Variants in HECTD4 observed in about 807,000 individuals in gnomAD.
The protein encoded by HECTD4 is HECT domain E3 ubiquitin protein ligase 4, also known as probable E3 ubiquitin-protein ligase HECTD4.
A neutral mutation model predicts 471.5 loss-of-function variants in HECTD4; 114 were observed. The observed-to-expected ratio is 0.24, with a 90% CI of 0.21 to 0.28. HECTD4 has a LOEUF of 0.28. Ranked by LOEUF, HECTD4 falls within the 10% of genes least tolerant of loss-of-function variation. HECTD4 has a pLI of 1.00. For missense variants in HECTD4, 3,866 were observed against 5,651.5 expected, an observed-to-expected ratio of 0.68 and a Z score of 10.13; for synonymous variants, 2,012 against 2,256.0, an observed-to-expected ratio of 0.89 and a Z score of 3.07.
rs367872998 is a variant in HECTD4, at chr12:112,171,232, G to A, written c.11817C>T (p.Phe3939=). 290 of 1,611,200 alleles carry A rather than the reference G, an allele frequency of 1.8e-4. No individual in the cohort carries two copies. The highest frequency in any genetic ancestry group is 3.3e-4 in the South Asian group (30 of 90,444). The change falls in exon 68 of 76, where the codon TTC becomes TTT. Residue 3939 remains phenylalanine (F), a synonymous_variant. Coordinates refer to ENST00000682272, the MANE Select transcript of HECTD4 (RefSeq NM_001388303.1). ...TGGTGTTGAGGGACTGCAGCAAGGCGAAGCGCAGGCGCAGGCTCTCGATGG... is the reference window on the plus strand; with the variant it reads ...TGGTGTTGAGGGACTGCAGCAAGGCAAAGCGCAGGCGCAGGCTCTCGATGG... The part of the protein sequence containing the change: ...NVPIESLRLR[F]ALLQSLNTTL...
At chr12:112,373,777 G>A (rs2036728536) in intron 1 of HECTD4, among the ~76,000 whole-genome samples, 1 of 151,798 alleles carries the variant, frequency 6.6e-6, no homozygotes, top group African/African-American at 2.4e-5. Context: ...GGCTGAGGTG[G>A]GCAGATCACC....
chr12:112,295,655 T>C (rs2135665575), intron 7 of HECTD4, among the ~76,000 whole-genome samples: 1 of 151,532 alleles, frequency 6.6e-6, no homozygotes, highest in South Asian at 2.1e-4. Flanking sequence ...TTTCTTTTTT[T>C]GAGACAGGGT....
chr12:112,194,886 T>A lies in HECTD4; in HGVS notation c.8748A>T (p.Pro2916=). Reference sequence around the variant, plus strand: ...GACAGCAGCAAAGCCAAGTTTTACCTGGGAGAGGAGGTGCGAGGAGCTGAT... The same window carrying A: ...GACAGCAGCAAAGCCAAGTTTTACCAGGGAGAGGAGGTGCGAGGAGCTGAT... ...LSNQLLAPPL[P]DGTISSSSIL... is the part of the protein sequence containing the mutation. The change falls in exon 56 of 76, where the codon CCA becomes CCT. Residue 2916 remains proline (P), a splice_region_variant and synonymous_variant. Coordinates refer to ENST00000682272, the MANE Select transcript of HECTD4 (RefSeq NM_001388303.1). The surrounding 1 kb of genome is among the most constrained non-coding windows in gnomAD (Gnocchi z 4.6). The A allele has an allele frequency of 6.2e-7, 1 of 1,603,840 alleles. No individual in the cohort carries two copies.
At chr12:112,178,714 C>T (rs1163055244) in intron 64 of HECTD4, among the ~76,000 whole-genome samples, 2 of 152,222 alleles carry the variant, frequency 1.3e-5, no homozygotes, top group East Asian at 1.9e-4. Flanking sequence ...TGCCTGTAGT[C>T]CCAGATACTC....
chr12:112,324,886 T>G (rs540764731), intron 1 of HECTD4, among the ~76,000 whole-genome samples: 5 of 152,188 alleles, frequency 3.3e-5, no homozygotes, highest in Non-Finnish European at 5.9e-5. Context: ...AACAACTCTT[T>G]TATATAAAAT....
intron 9 of HECTD4, among the ~76,000 whole-genome samples, chr12:112,278,504 A>C (rs1380936731): frequency 6.6e-6 from 1 of 152,172 alleles, no homozygotes; most frequent in African/African-American, 2.4e-5. Context: ...AAATACTAAC[A>C]CATTTTTACA....
intron 54 of HECTD4, chr12:112,201,194 A>C (rs533496391): frequency 7.4e-6 from 3 of 403,558 alleles, no homozygotes; most frequent in Non-Finnish European, 1.5e-5. Context: ...CCCAGGTTCA[A>C]GAGATTCTCC....
chr12:112,283,037 C>T (rs747178379), intron 8 of HECTD4, 73 bp downstream of exon 8: 65 of 1,239,692 alleles, frequency 5.2e-5, no homozygotes, highest in Middle Eastern at 2.0e-4. Context: ...ACAGCACGGA[C>T]GAAGTGCTCA....
At chr12:112,367,533 C>T (rs374105915) in intron 1 of HECTD4, among the ~76,000 whole-genome samples, 1 of 151,720 alleles carries the variant, frequency 6.6e-6, no homozygotes, top group Non-Finnish European at 1.5e-5. Flanking sequence ...TGAAAAAATG[C>T]TTCCGGCAGG....
Position 112,229,900 on chromosome 12 carries a change from G to A in HECTD4, c.6337-20C>T, listed in dbSNP as rs139171647. 1.0e-3 allele frequency: 1,642 copies of A among 1,597,152 alleles called. 11 individuals carry two copies. The African/African-American group carries it at 0.018, about 17-fold the overall frequency. ...CAGAACCTAAATATAGAAGCAGCCCGTGCACTAGGAGTTAAAGCTTTGGTT... is the reference window on the plus strand; with the variant it reads ...CAGAACCTAAATATAGAAGCAGCCCATGCACTAGGAGTTAAAGCTTTGGTT... On this transcript the variant is annotated intron_variant, in intron 40 of 75. Coordinates refer to ENST00000682272, the MANE Select transcript of HECTD4 (RefSeq NM_001388303.1).
intron 1 of HECTD4, among the ~76,000 whole-genome samples, chr12:112,362,567 C>CA (rs2036469865): frequency 1.3e-5 from 2 of 152,294 alleles, no homozygotes; most frequent in Admixed American, 1.3e-4. Context: ...CTCATACGTG[C>CA]ACTCACTACC....
At position 112,162,094 on chromosome 12, in the gene HECTD4, G is replaced by T. The variant is rs1941036606; in HGVS notation, c.*293C>A. ...TGGGGCCTTATGGCATTAGAATCTG[G>T]TGGCCATGAGGGACAATGTCCAAGA... On this transcript the variant is annotated 3_prime_UTR_variant, in exon 76 of 76. Coordinates refer to ENST00000682272, the MANE Select transcript of HECTD4 (RefSeq NM_001388303.1). This position sits in a 1 kb window ranked among gnomAD's most constrained non-coding sequence, Gnocchi z 5.2. 3.1e-6 allele frequency: 1 copy of T among 318,946 alleles called. No individual in the cohort carries two copies. The highest frequency in any genetic ancestry group is 2.1e-5 in the African/African-American group (1 of 47,328). The allele number at this position is 318,946 out of a possible 1,614,324, so 19.8% of individuals were successfully genotyped here.
intron 1 of HECTD4, among the ~76,000 whole-genome samples, chr12:112,375,791 G>A (rs376285459): frequency 1.3e-5 from 2 of 151,798 alleles, no homozygotes; most frequent in African/African-American, 4.8e-5. Flanking sequence ...TTCCTAAGCC[G>A]GTCGTGGTGG....
chr12:112,359,360 T>C (rs1046204656), intron 1 of HECTD4, among the ~76,000 whole-genome samples: 1 of 151,644 alleles, frequency 6.6e-6, no homozygotes, highest in African/African-American at 2.4e-5. Context: ...TTGCAAACTC[T>C]CAGGACCACC....
intron 1 of HECTD4, among the ~76,000 whole-genome samples, chr12:112,358,137 T>C (rs577231914): frequency 2.6e-5 from 4 of 152,102 alleles, no homozygotes; most frequent in South Asian, 4.2e-4. Context: ...CTGGGAGGCG[T>C]AGGTTGCAAT....
chr12:112,236,461 T>C (rs1175614747), intron 35 of HECTD4, among the ~76,000 whole-genome samples: 3 of 152,252 alleles, frequency 2.0e-5, no homozygotes, highest in Admixed American at 1.3e-4. Context: ...AAAACTGTTA[T>C]ATTCCAAGAA....
chr12:112,279,600 T>C (rs2034592757), intron 8 of HECTD4, among the ~76,000 whole-genome samples: 1 of 152,218 alleles, frequency 6.6e-6, no homozygotes, highest in South Asian at 2.1e-4. Context: ...CTCCTATTTA[T>C]ATGGTCTGAA....
intron 22 of HECTD4, among the ~76,000 whole-genome samples, chr12:112,253,686 A>C (rs570766166): frequency 2.0e-5 from 3 of 152,328 alleles, no homozygotes; most frequent in Admixed American, 1.3e-4. Flanking sequence ...ACATTAACTC[A>C]ATACTTTTAC....
chr12:112,266,083 TA>T (rs2034265818), intron 14 of HECTD4, 100 bp from the exon 15 acceptor site: 1 of 774,824 alleles, frequency 1.3e-6, no homozygotes, highest in Non-Finnish European at 2.1e-6. Flanking sequence ...GTCGGCAAGC[TA>T]GGGGCACCAG....
Sources: gnomAD v4.1 joint callset for allele counts (sites outside exome capture counted in the v4.1 genomes callset) on GRCh38, gnomAD v4.1.1 for gene constraint, Gnocchi (gnomAD v3.1) non-coding constraint, MANE v1.5 for transcripts, NCBI Gene and HGNC (gene_info 2026-07-23, HGNC 2026-07-21) for gene names.